CDK19: variants seen among roughly 807,000 people sequenced by gnomAD.
CDK19 encodes the protein cyclin dependent kinase 19.
CDK19 carries 20 observed loss-of-function variants against 68.3 expected under a neutral mutation model. The observed-to-expected ratio is 0.29, with a 90% CI of 0.21 to 0.43. The LOEUF is 0.43. CDK19 is among the 20% of genes least tolerant of loss of function. The probability of loss-of-function intolerance (pLI) is 1.00; values close to 1 mark genes in which losing one functional copy is unlikely to be tolerated. For synonymous variants in CDK19, 221 were observed against 222.8 expected (o/e 0.99, Z 0.07); for missense variants, 339 against 623.5 (o/e 0.54, Z 4.86).
At chr6:110,687,551 A>C (rs1208686002) in intron 2 of CDK19, among the ~76,000 whole-genome samples, 1 of 152,200 alleles carries the variant, frequency 6.6e-6, no homozygotes, top group Non-Finnish European at 1.5e-5. Context: ...CAAAAATGCC[A>C]CTTCCTTCCC....
chr6:110,623,843 CAT>C (rs1183776055), intron 8 of CDK19, among the ~76,000 whole-genome samples: 1 of 145,720 alleles, frequency 6.9e-6, no homozygotes, highest in African/African-American at 2.5e-5. Context: ...TATATATACA[CAT>C]ATATACATAT....
At position 110,654,009 on chromosome 6, in the gene CDK19, A is replaced by G. The variant is rs138113503; in HGVS notation, c.456+13425T>C. On this transcript the variant is annotated intron_variant, in intron 4 of 12. Transcript: ENST00000368911. ...TATCAGTACCAATAAAGAGAGAAAA[A>G]GACAAACACAATTGTCTACAATCCT... 3.3e-5 allele frequency among the ~76,000 whole-genome samples: 5 copies of G among 152,354 alleles called. No individual in the cohort carries two copies. In the East Asian group the frequency reaches 9.6e-4, roughly 29 times the overall value.
chr6:110,785,244 T>C (rs1026371827), intron 1 of CDK19, among the ~76,000 whole-genome samples: 7 of 152,264 alleles, frequency 4.6e-5, no homozygotes, highest in South Asian at 2.1e-4. Flanking sequence ...TTAGAGATCA[T>C]TGCTTGCTCC....
chr6:110,767,007 G>A, intron 1 of CDK19, among the ~76,000 whole-genome samples: 1 of 151,994 alleles, frequency 6.6e-6, no homozygotes, highest in Non-Finnish European at 1.5e-5. Context: ...TGTGGTGCGT[G>A]TCTCTAGTCC....
chr6:110,744,769 T>C (rs961293981), intron 2 of CDK19, among the ~76,000 whole-genome samples: 3 of 152,220 alleles, frequency 2.0e-5, no homozygotes, highest in African/African-American at 7.2e-5. Context: ...AGAGACCTAA[T>C]AGTTCCCTTA....
rs1337208616 is a variant in CDK19 at position 110,611,005 on chromosome 6, G to A, written c.*3530C>T. 6.6e-6 allele frequency: 1 copy of A among 152,162 alleles called. No homozygotes were observed. Among genetic ancestry groups the A allele is most frequent in the African/African-American group, 2.4e-5 (1 of 41,430 alleles). 9.4% of individuals were successfully genotyped at this position (152,162 alleles called of 1,614,324 possible). A position where few individuals can be genotyped will look rare whatever the true frequency, so the allele number is the denominator to read the frequency against. The stretch of plus-strand genomic sequence containing the variant: ...CCATTATGTTCGTAAGAGCAAAAGA[G>A]TAGTGCAGAAGGCCAAAATTCTAAG... On this transcript the variant is annotated 3_prime_UTR_variant, in exon 13 of 13. Transcript: ENST00000368911.
At chr6:110,666,224 G>A (rs1781919458) in intron 4 of CDK19, among the ~76,000 whole-genome samples, 1 of 147,144 alleles carries the variant, frequency 6.8e-6, no homozygotes, top group Non-Finnish European at 1.5e-5. Flanking sequence ...GACCAGCCTG[G>A]CCAAGATGGT....
At chr6:110,644,136 A>G (rs948486594) in intron 4 of CDK19, among the ~76,000 whole-genome samples, 46 of 152,182 alleles carry the variant, frequency 3.0e-4, no homozygotes, top group African/African-American at 1.1e-3. Context: ...TACTGAAAAT[A>G]CAAAAATTAG....
At chr6:110,748,822 A>G (rs1467114980) in intron 1 of CDK19, among the ~76,000 whole-genome samples, 1 of 152,254 alleles carries the variant, frequency 6.6e-6, no homozygotes, top group African/African-American at 2.4e-5. Flanking sequence ...AGGAATTCAT[A>G]CCTCACAGCT....
chr6:110,680,687 C>T (rs986761274), intron 2 of CDK19, among the ~76,000 whole-genome samples: 13 of 152,092 alleles, frequency 8.5e-5, no homozygotes, highest in Non-Finnish European at 1.6e-4. Flanking sequence ...AAGACTATAA[C>T]GTTGTGATAT....
chr6:110,659,736 G>T (rs376180207), intron 4 of CDK19, among the ~76,000 whole-genome samples: 23 of 152,270 alleles, frequency 1.5e-4, no homozygotes, highest in African/African-American at 4.8e-4. Flanking sequence ...GAAGAGAAGG[G>T]GAGAGGAGAG....
At chr6:110,618,793 C>T (rs1040921773) in intron 12 of CDK19, among the ~76,000 whole-genome samples, 1 of 145,528 alleles carries the variant, frequency 6.9e-6, no homozygotes, top group Non-Finnish European at 1.5e-5. Context: ...TGTAAAACTT[C>T]CTTCCAGCCC....
At position 110,775,310 on chromosome 6, in the gene CDK19, T is replaced by TG. The variant is rs537200353; in HGVS notation, c.129-29110dup. On this transcript the variant is annotated intron_variant, in intron 1 of 12. Transcript: ENST00000368911. ...AAAATATACTTCACAAAATAGAGAA[T>TG]GGCAAATCCTGCAGCTCAAGGTACA... 3.9e-5 allele frequency among the ~76,000 whole-genome samples: 6 copies of TG among 152,280 alleles called. No homozygotes were observed. In the East Asian group the frequency reaches 9.6e-4, roughly 24 times the overall value.
intron 2 of CDK19, among the ~76,000 whole-genome samples, chr6:110,679,816 A>G (rs1489969313): frequency 1.3e-5 from 2 of 152,164 alleles, no homozygotes; most frequent in Non-Finnish European, 2.9e-5. Flanking sequence ...AACTGTTTAT[A>G]TGTTATTTAT....
intron 4 of CDK19, among the ~76,000 whole-genome samples, chr6:110,639,699 T>C (rs1312108395): frequency 1.3e-5 from 2 of 152,226 alleles, no homozygotes; most frequent in Non-Finnish European, 2.9e-5. Context: ...TTAAAAATGT[T>C]TCAATGAAAA....
intron 4 of CDK19, among the ~76,000 whole-genome samples, chr6:110,665,352 G>A (rs888160945): frequency 6.6e-6 from 1 of 152,142 alleles, no homozygotes; most frequent in Non-Finnish European, 1.5e-5. Context: ...GCAAAGAAGG[G>A]TCTGCAAAGA....
At chr6:110,791,249 A>C (rs1781577406) in intron 1 of CDK19, among the ~76,000 whole-genome samples, 3 of 152,178 alleles carry the variant, frequency 2.0e-5, no homozygotes, top group Admixed American at 1.3e-4. Context: ...TCATGGAAAA[A>C]AAGAAAAATA....
At chr6:110,641,592 CAA>C (rs773781094) in intron 4 of CDK19, among the ~76,000 whole-genome samples, 13 of 31,314 alleles carry the variant, frequency 4.2e-4, no homozygotes, top group South Asian at 1.7e-3. Flanking sequence ...GAGACTCCAT[CAA>C]AAAAAAAAAA....
chr6:110,621,751 T>C lies in CDK19; in HGVS notation c.1110+337A>G, dbSNP rs1431880816. 2.6e-5 allele frequency among the ~76,000 whole-genome samples: 4 copies of C among 152,080 alleles called. No individual in the cohort carries two copies. Among genetic ancestry groups the C allele is most frequent in the Non-Finnish European group, 5.9e-5 (4 of 68,018 alleles). ...GCGGTCTGGAGAGTGAGCCAATATA[T>C]CCAGTTAAGACGAAAGAACAGAGTG... is the stretch of plus-strand genomic sequence containing the variant. On this transcript the variant is annotated intron_variant, in intron 11 of 12. Transcript: ENST00000368911. This position sits in a 1 kb window ranked among gnomAD's most constrained non-coding sequence, Gnocchi z 5.4.
Sources: allele counts gnomAD v4.1 joint callset (sites outside exome capture counted in the v4.1 genomes callset), GRCh38; gene constraint gnomAD v4.1.1; non-coding constraint Gnocchi (gnomAD v3.1); transcripts MANE v1.5; gene names NCBI Gene and HGNC (gene_info 2026-07-23, HGNC 2026-07-21).